The following ULK4 variants were observed in gnomAD, a reference collection of about 807,000 sequenced individuals.
ULK4 encodes unc-51 like kinase 4, also known as inactive serine/threonine-protein kinase ULK4.
Under a neutral mutation model 160.6 loss-of-function variants are expected in ULK4, and 133 were observed. The ratio of observed to expected loss-of-function variants is 0.83; its 90% confidence interval spans 0.72 to 0.96. The LOEUF is 0.96. Among genes scored for constraint, ULK4 ranks in the 40% least tolerant of loss-of-function variants. The probability of loss-of-function intolerance (pLI) is 0.00; values close to 1 mark genes in which losing one functional copy is unlikely to be tolerated. For synonymous variants in ULK4, 534 were observed against 539.8 expected (o/e 0.99, Z 0.15); for missense variants, 1,580 against 1,499.5 (o/e 1.05, Z -0.89).
intron 25 of ULK4, among the ~76,000 whole-genome samples, chr3:41,708,940 A>G (rs2125833479): frequency 1.3e-5 from 2 of 152,356 alleles, no homozygotes; most frequent in Admixed American, 1.3e-4. Context: ...CTTAAATGCA[A>G]CCTATGTTTT....
intron 30 of ULK4, among the ~76,000 whole-genome samples, chr3:41,640,405 T>C (rs2034135559): frequency 6.6e-6 from 1 of 152,160 alleles, no homozygotes; most frequent in East Asian, 1.9e-4. Context: ...ATAATTACGG[T>C]ATTTGAGTGC....
chr3:41,780,826 C>T (rs1034052983), intron 21 of ULK4, among the ~76,000 whole-genome samples: 2 of 152,174 alleles, frequency 1.3e-5, no homozygotes, highest in Admixed American at 6.5e-5. Flanking sequence ...ATTTTAACCA[C>T]AAGCAGTCCT....
chr3:41,682,517 G>A (rs1016896483), intron 27 of ULK4, among the ~76,000 whole-genome samples: 2 of 152,210 alleles, frequency 1.3e-5, no homozygotes, highest in African/African-American at 2.4e-5. Flanking sequence ...TAAAAGAGCA[G>A]GAGAATCTGT....
intron 35 of ULK4, among the ~76,000 whole-genome samples, chr3:41,336,032 G>A (rs2080547894): frequency 6.6e-6 from 1 of 152,204 alleles, no homozygotes; most frequent in Non-Finnish European, 1.5e-5. Flanking sequence ...GAAGGAACAA[G>A]CTATGACAGC....
At chr3:41,724,349 G>A (rs13070264) in intron 22 of ULK4, among the ~76,000 whole-genome samples, 4 of 152,110 alleles carry the variant, frequency 2.6e-5, no homozygotes, top group South Asian at 2.1e-4. Context: ...AGCATGCCTC[G>A]ATTCAGTTTC....
chr3:41,930,660 C>G (rs1699559550), intron 5 of ULK4, among the ~76,000 whole-genome samples: 1 of 151,968 alleles, frequency 6.6e-6, no homozygotes, highest in African/African-American at 2.4e-5. Flanking sequence ...GCAAACAACC[C>G]CATCAAAAAG....
At position 41,611,423 on chromosome 3, in the gene ULK4, A is replaced by T. The variant is rs368857117; in HGVS notation, c.3120+4246T>A. ...AGGAAACTTGAAGCTAGAGCTCAGG[A>T]TTAAAAACATTCTGCCCACTCTCTG... On this transcript the variant is annotated intron_variant, in intron 31 of 36. Transcript: ENST00000301831. Among the ~76,000 whole-genome samples, 7 of 152,264 alleles carry T rather than the reference A, an allele frequency of 4.6e-5. No homozygotes were observed. The South Asian group carries it at 1.5e-3, about 32-fold the overall frequency.
At chr3:41,831,531 A>ATATATATATATATTTTTTTTTTTT in intron 18 of ULK4, among the ~76,000 whole-genome samples, 2 of 138,064 alleles carry the variant, frequency 1.4e-5, no homozygotes, top group African/African-American at 5.7e-5. Flanking sequence ...ATATATATAT[A>ATATATATATATATTTTTTTTTTTT]TTTTTTTTTC....
intron 5 of ULK4, 184 bp downstream of exon 5, chr3:41,931,659 TC>T (rs1379846580): frequency 1.2e-5 from 8 of 665,646 alleles, no homozygotes; most frequent in Non-Finnish European, 2.0e-5. Flanking sequence ...ACAGAGTAGA[TC>T]CACATTGAAT....
chr3:41,638,030 T>C (rs2034027968), intron 30 of ULK4, among the ~76,000 whole-genome samples: 1 of 152,206 alleles, frequency 6.6e-6, no homozygotes, highest in South Asian at 2.1e-4. Context: ...AGAAGTTTTC[T>C]AGGTTGATGG....
intron 35 of ULK4, among the ~76,000 whole-genome samples, chr3:41,385,494 A>G (rs2081785609): frequency 6.6e-6 from 1 of 152,170 alleles, no homozygotes; most frequent in Admixed American, 6.6e-5. Context: ...TAGGAAGGGA[A>G]GGCAACTAGC....
At chr3:41,628,412 A>G (rs1370222286) in intron 30 of ULK4, among the ~76,000 whole-genome samples, 1 of 152,182 alleles carries the variant, frequency 6.6e-6, no homozygotes, top group Non-Finnish European at 1.5e-5. Flanking sequence ...TCCCCATGGT[A>G]TACACTCCAA....
At chr3:41,262,722 G>A (rs2078968209) in intron 35 of ULK4, among the ~76,000 whole-genome samples, 1 of 152,042 alleles carries the variant, frequency 6.6e-6, no homozygotes, top group Non-Finnish European at 1.5e-5. Context: ...TTCATTTTAG[G>A]CCAACCAGTT....
intron 31 of ULK4, among the ~76,000 whole-genome samples, chr3:41,607,690 A>G (rs981255238): frequency 2.6e-5 from 4 of 152,196 alleles, no homozygotes; most frequent in Non-Finnish European, 2.9e-5. Flanking sequence ...AAAGTTGGGG[A>G]GAAATTTGAG....
intron 32 of ULK4, among the ~76,000 whole-genome samples, chr3:41,551,201 A>G (rs2125577532): frequency 6.6e-6 from 1 of 152,044 alleles, no homozygotes; most frequent in Admixed American, 6.5e-5. Flanking sequence ...TTTCACATAA[A>G]CAATCTAAAA....
At chr3:41,276,402 A>G (rs1294540724) in intron 35 of ULK4, among the ~76,000 whole-genome samples, 4 of 151,608 alleles carry the variant, frequency 2.6e-5, no homozygotes, top group Non-Finnish European at 5.9e-5. Flanking sequence ...AAAGTTTTGG[A>G]CTCTTCCTTA....
In ULK4 at chr3:41,882,521, A is replaced by T. The variant is rs543477196; in HGVS notation, c.1656+1353T>A. Among the ~76,000 whole-genome samples, 4 of 152,310 alleles carry T rather than the reference A, an allele frequency of 2.6e-5. No homozygotes were observed. The East Asian group carries it at 7.7e-4, about 29-fold the overall frequency. On this transcript the variant is annotated intron_variant, in intron 17 of 36. Coordinates refer to ENST00000301831, the MANE Select transcript of ULK4 (RefSeq NM_017886.4). Reference sequence around the variant, plus strand: ...TATCATCCATGCCTTTTTAGTTCATAATCTTTATCCTCTTTCTTTCTGAAT... The same window carrying T: ...TATCATCCATGCCTTTTTAGTTCATTATCTTTATCCTCTTTCTTTCTGAAT...
At chr3:41,599,458 G>C (rs115600317) in intron 31 of ULK4, among the ~76,000 whole-genome samples, 1 of 152,276 alleles carries the variant, frequency 6.6e-6, no homozygotes, top group African/African-American at 2.4e-5. Flanking sequence ...CATCTTGGAA[G>C]GTGGGAGCAG....
intron 15 of ULK4, 117 bp from the exon 16 acceptor site, chr3:41,895,681 T>C (rs1409486676): frequency 6.6e-6 from 3 of 457,942 alleles, no homozygotes; most frequent in Non-Finnish European, 1.1e-5. Flanking sequence ...AAATTTACAC[T>C]GTACACCAAA....
Sources: gnomAD v4.1 joint callset for allele counts (sites outside exome capture counted in the v4.1 genomes callset) on GRCh38, gnomAD v4.1.1 for gene constraint, MANE v1.5 for transcripts, NCBI Gene and HGNC (gene_info 2026-07-23, HGNC 2026-07-21) for gene names.